ZNF853: variants seen among roughly 807,000 people sequenced by gnomAD.
ZNF853 encodes the protein zinc finger protein 853.
Under a neutral mutation model 94.7 loss-of-function variants are expected in ZNF853, and 57 were observed. That is an observed-to-expected ratio of 0.60 (90% CI 0.49 to 0.75). The LOEUF (loss-of-function observed/expected upper bound fraction) is 0.75, where lower values mean the gene tolerates loss of function less well. ZNF853 is among the 30% of genes least tolerant of loss of function. The pLI is 0.00. For missense variants in ZNF853, 785 were observed against 868.9 expected, an observed-to-expected ratio of 0.90 and a Z score of 1.21; for synonymous variants, 448 against 406.3, an observed-to-expected ratio of 1.10 and a Z score of -1.23.
At position 6,622,692 on chromosome 7, in the gene ZNF853, A is replaced by G. The variant is rs1483926391; in HGVS notation, c.1701A>G (p.Arg567=). 1 of 1,575,768 alleles carries G rather than the reference A, an allele frequency of 6.3e-7. No homozygotes were observed. The stretch of plus-strand genomic sequence containing the variant: ...ACCAGCGCACGCACACCGGGGAGCG[A>G]CCCTACGCCTGCGGGGACTGTGGCA... ...VQHQRTHTGE[R]PYACGDCGKR... The change falls in exon 3 of 3, where the codon CGA becomes CGG. Residue 567 remains arginine, a synonymous_variant. Coordinates refer to ENST00000457543, the MANE Select transcript of ZNF853 (RefSeq NM_017560.3).
Position 6,622,625 on chromosome 7 carries a change from A to C in ZNF853, c.1634A>C (p.Tyr545Ser). 1 of 1,582,824 alleles carries C rather than the reference A, an allele frequency of 6.3e-7. No homozygotes were observed. Among genetic ancestry groups the C allele is most frequent in the Non-Finnish European group, 8.6e-7 (1 of 1,165,496 alleles). ...GGCGAGAAACCCTACGCCTGCTCCT[A>C]CTGCGCCAAGCGCTTCAGCGAGAGC... ...HTGEKPYACS[Y>S]CAKRFSESSA... The change falls in exon 3 of 3, where the codon TAC becomes TCC. Residue 545 changes from tyrosine to serine, a missense_variant. Transcript: ENST00000457543.
At position 6,623,039 on chromosome 7, in the gene ZNF853, A is replaced by G. The variant is rs1424917837; in HGVS notation, c.*68A>G. On this transcript the variant is annotated 3_prime_UTR_variant, in exon 3 of 3. Coordinates refer to ENST00000457543, the MANE Select transcript of ZNF853 (RefSeq NM_017560.3). ...CCGCCTCCACCTGAAAAGCTCCTTGACCCGGGTTCATGGGCGCTGGAGGCG... is the reference window on the plus strand; with the variant it reads ...CCGCCTCCACCTGAAAAGCTCCTTGGCCCGGGTTCATGGGCGCTGGAGGCG... 6 of 1,228,126 alleles carry G rather than the reference A, an allele frequency of 4.9e-6. No individual in the cohort carries two copies. The Admixed American group carries it at 1.7e-4, about 35-fold the overall frequency. 76.1% of individuals were successfully genotyped at this position (1,228,126 alleles called of 1,614,324 possible).
chr7:6,620,579 C>CCTTCCCTTT lies in ZNF853; in HGVS notation c.131-534_131-526dup. Among the ~76,000 whole-genome samples, 3 of 151,890 alleles carry CCTTCCCTTT rather than the reference C, an allele frequency of 2.0e-5. No individual in the cohort carries two copies. In the East Asian group the frequency reaches 5.8e-4, roughly 29 times the overall value. ...GCCACCTACCTTCCTTCCTTCCCTT[C>CCTTCCCTTT]CTTCCCTTTCTTCCCTTCTTCCTTT... On this transcript the variant is annotated intron_variant, in intron 2 of 2. Transcript: ENST00000457543.
Position 6,617,294 on chromosome 7 carries a change from T to C in ZNF853, c.117T>C (p.Pro39=), listed in dbSNP as rs1332866884. 25 of 1,491,934 alleles carry C rather than the reference T, an allele frequency of 1.7e-5. No individual in the cohort carries two copies. Among genetic ancestry groups the C allele is most frequent in the Non-Finnish European group, 2.2e-5 (24 of 1,114,472 alleles). 92.4% of individuals were successfully genotyped at this position (1,491,934 alleles called of 1,614,324 possible). ...LQCLEDGGPG[P]DTLSGGSGGS... ...GTCTTGAGGATGGGGGCCCAGGGCC[T>C]GACACCCTCTCAGGTGAGGGCCTCG... Residue 39 remains proline, a synonymous_variant, in exon 2 of 3, where the codon CCT becomes CCC. Coordinates refer to ENST00000457543, the MANE Select transcript of ZNF853 (RefSeq NM_017560.3).
chr7:6,617,316 C>T lies in ZNF853; in HGVS notation c.130+9C>T. 4 of 1,443,736 alleles carry T rather than the reference C, an allele frequency of 2.8e-6. No individual in the cohort carries two copies. The highest frequency in any genetic ancestry group is 2.9e-5 in the African/African-American group (2 of 68,512). 89.4% of individuals were successfully genotyped at this position (1,443,736 alleles called of 1,614,324 possible). ...GCCTGACACCCTCTCAGGTGAGGGC[C>T]TCGGGGGATCCCTTGACAGAGCCTC... On this transcript the variant is annotated intron_variant, in intron 2 of 2. Coordinates refer to ENST00000457543, the MANE Select transcript of ZNF853 (RefSeq NM_017560.3).
Position 6,622,477 on chromosome 7 carries a change from CGCAGCACGG to C in ZNF853, c.1487_1495del (p.Arg496_Asp499delinsHis). The C allele has an allele frequency of 6.5e-7, 1 of 1,534,354 alleles. No homozygotes were observed. The highest frequency in any genetic ancestry group is 8.8e-7 in the Non-Finnish European group (1 of 1,141,742). ...CGGGGAGTGCGGCAAGGGCTTCAGC[CGCAGCACGG>C]ACCTGGTGCGCCACCAGGCCACGCA... On this transcript the variant is annotated inframe_deletion, in exon 3 of 3. Transcript: ENST00000457543.
chr7:6,617,547 C>G, intron 2 of ZNF853: 2 of 970,118 alleles, frequency 2.1e-6, no homozygotes, highest in African/African-American at 1.8e-5. Flanking sequence ...CACTCACACG[C>G]GCTGCTGGCT....
intron 2 of ZNF853, among the ~76,000 whole-genome samples, chr7:6,619,563 C>T: frequency 1.3e-5 from 2 of 152,208 alleles, no homozygotes; most frequent in African/African-American, 4.8e-5. Context: ...AGCCACCGCG[C>T]CCGGCCATCC....
Position 6,616,069 on chromosome 7 carries a change from C to G in ZNF853, c.-106C>G, listed in dbSNP as rs1045703530. 1.7e-6 allele frequency: 2 copies of G among 1,194,690 alleles called. No individual in the cohort carries two copies. Among genetic ancestry groups the G allele is most frequent in the African/African-American group, 3.1e-5 (2 of 64,756 alleles). The allele number at this position is 1,194,690 out of a possible 1,614,324, so 74.0% of individuals were successfully genotyped here. A position where few individuals can be genotyped will look rare whatever the true frequency, so the allele number is the denominator to read the frequency against. ...GTGGCCCTGCGCCTCCTGGCTCTTT[C>G]TGGATGGAGGCGCCTCCGGAAGGAG... is the stretch of plus-strand genomic sequence containing the variant. On this transcript the variant is annotated 5_prime_UTR_variant, in exon 1 of 3. Transcript: ENST00000457543.
intron 1 of ZNF853, 36 bp downstream of exon 1, chr7:6,616,222 G>C: frequency 6.5e-7 from 1 of 1,545,888 alleles, no homozygotes. Flanking sequence ...TGGGCAACCG[G>C]GGACGCGTCC....
Position 6,620,612 on chromosome 7 carries a change from TCTCTC to T in ZNF853, c.131-509_131-505del. On this transcript the variant is annotated intron_variant, in intron 2 of 2. Coordinates refer to ENST00000457543, the MANE Select transcript of ZNF853 (RefSeq NM_017560.3). ...TTCTTCCCTTCTTCCTTTCTTTCTC[TCTCTC>T]TCTTTCTCTCTCTCTCTCTTTTGAG... is the stretch of plus-strand genomic sequence containing the variant. Among the ~76,000 whole-genome samples, 277 of 147,502 alleles carry T rather than the reference TCTCTC, an allele frequency of 1.9e-3. 3 individuals carry two copies. Among genetic ancestry groups the T allele is most frequent in the East Asian group, 6.6e-3 (34 of 5,154 alleles).
In ZNF853 at chr7:6,617,239, C is replaced by T; in HGVS notation, c.62C>T (p.Ala21Val). ...GLTARMEVGP[A>V]TETFVLELQC... Reference sequence around the variant, plus strand: ...ACCGCCAGGATGGAAGTGGGGCCAGCCACCGAGACCTTCGTGCTGGAACTT... The same window carrying T: ...ACCGCCAGGATGGAAGTGGGGCCAGTCACCGAGACCTTCGTGCTGGAACTT... The change falls in exon 2 of 3, where the codon GCC becomes GTC. Residue 21 changes from alanine to valine, a missense_variant. Coordinates refer to ENST00000457543, the MANE Select transcript of ZNF853 (RefSeq NM_017560.3). The T allele has an allele frequency of 1.3e-6, 2 of 1,531,986 alleles. No individual in the cohort carries two copies. The highest frequency in any genetic ancestry group is 1.8e-6 in the Non-Finnish European group (2 of 1,137,734). The allele number at this position is 1,531,986 out of a possible 1,614,324, so 94.9% of individuals were successfully genotyped here.
intron 2 of ZNF853, among the ~76,000 whole-genome samples, chr7:6,618,761 G>A: frequency 3.3e-5 from 5 of 152,048 alleles, no homozygotes; most frequent in Non-Finnish European, 7.4e-5. Context: ...GAGTCAGAGT[G>A]GCCTGTGGTC....
In ZNF853 at chr7:6,621,298, C is replaced by G. The variant is rs1324495534; in HGVS notation, c.307C>G (p.Gln103Glu). ...QLEQQPEPQQ[Q>E]PQHEQLQQPQ... ...AGAACAGCAGCCCGAGCCGCAGCAA[C>G]AGCCGCAACACGAGCAGCTGCAACA... The change falls in exon 3 of 3, where the codon CAG becomes GAG. Residue 103 changes from glutamine (Q) to glutamate (E), a missense_variant. Coordinates refer to ENST00000457543, the MANE Select transcript of ZNF853 (RefSeq NM_017560.3). 5 of 1,550,888 alleles carry G rather than the reference C, an allele frequency of 3.2e-6. No individual in the cohort carries two copies. In the African/African-American group the frequency reaches 5.5e-5, roughly 17 times the overall value.
rs1467968849 is a variant in ZNF853, at chr7:6,622,101, A to G, written c.1110A>G (p.Gln370=). The G allele has an allele frequency of 1.9e-6, 3 of 1,545,666 alleles. No homozygotes were observed. The highest frequency in any genetic ancestry group is 1.2e-5 in the South Asian group (1 of 83,932). The part of the protein sequence containing the change: ...KLQEELQQLE[Q]QLEQQQQQLE... ...AGGAGGAGCTGCAGCAGCTGGAGCAACAGCTGGAGCAGCAGCAGCAGCAGC... is the reference window on the plus strand; with the variant it reads ...AGGAGGAGCTGCAGCAGCTGGAGCAGCAGCTGGAGCAGCAGCAGCAGCAGC... Residue 370 remains glutamine (Q), a synonymous_variant, in exon 3 of 3, where the codon CAA becomes CAG. Transcript: ENST00000457543.
At chr7:6,618,506 C>T in intron 2 of ZNF853, among the ~76,000 whole-genome samples, 1 of 151,774 alleles carries the variant, frequency 6.6e-6, no homozygotes, top group Non-Finnish European at 1.5e-5. Flanking sequence ...CTCAGGAGTT[C>T]GAGACCAGCC....
In ZNF853 at chr7:6,616,086, C is replaced by A. The variant is rs570654324; in HGVS notation, c.-89C>A. The A allele has an allele frequency of 1.4e-6, 2 of 1,390,864 alleles. No individual in the cohort carries two copies. Among genetic ancestry groups the A allele is most frequent in the Admixed American group, 2.2e-5 (1 of 46,064 alleles). The allele number at this position is 1,390,864 out of a possible 1,614,324, so 86.2% of individuals were successfully genotyped here. A position where few individuals can be genotyped will look rare whatever the true frequency, so the allele number is the denominator to read the frequency against. ...GGCTCTTTCTGGATGGAGGCGCCTCCGGAAGGAGCCGGCTGCACGCCGTGG... is the reference window on the plus strand; with the variant it reads ...GGCTCTTTCTGGATGGAGGCGCCTCAGGAAGGAGCCGGCTGCACGCCGTGG... On this transcript the variant is annotated 5_prime_UTR_variant, in exon 1 of 3. Transcript: ENST00000457543.
At chr7:6,617,655 C>G in intron 2 of ZNF853, 1 of 985,384 alleles carries the variant, frequency 1.0e-6, no homozygotes, top group Non-Finnish European at 1.2e-6. Context: ...TTCCCGGATC[C>G]GATTCAGGTA....
At position 6,621,104 on chromosome 7, in the gene ZNF853, C is replaced by T; in HGVS notation, c.131-18C>T. ...CTGTAGATCTTTCTCTCTTGGCTTC[C>T]TGCCATTTCTTCCACAGGTGGCAGC... On this transcript the variant is annotated intron_variant, in intron 2 of 2. Coordinates refer to ENST00000457543, the MANE Select transcript of ZNF853 (RefSeq NM_017560.3). 3.4e-6 allele frequency: 5 copies of T among 1,462,674 alleles called. No homozygotes were observed. In the East Asian group the frequency reaches 1.2e-4, roughly 36 times the overall value. 90.6% of individuals were successfully genotyped at this position (1,462,674 alleles called of 1,614,324 possible). A position where few individuals can be genotyped will look rare whatever the true frequency, so the allele number is the denominator to read the frequency against.
Sources: allele counts gnomAD v4.1 joint callset (sites outside exome capture counted in the v4.1 genomes callset), GRCh38; gene constraint gnomAD v4.1.1; transcripts MANE v1.5; gene names NCBI Gene and HGNC (gene_info 2026-07-23, HGNC 2026-07-21).